KDM3B: variants seen among roughly 807,000 people sequenced by gnomAD.
KDM3B encodes the protein lysine-specific demethylase 3B.
Under a neutral mutation model 170.0 loss-of-function variants are expected in KDM3B, and 10 were observed. That is an observed-to-expected ratio of 0.06 (90% CI 0.04 to 0.10). The LOEUF (loss-of-function observed/expected upper bound fraction) is 0.10. Among genes scored for constraint, KDM3B ranks in the 10% least tolerant of loss-of-function variants. The pLI, the probability that KDM3B is intolerant of heterozygous loss-of-function variation, is 1.00. For missense variants in KDM3B, 1,394 were observed against 2,195.2 expected (o/e 0.64, Z 7.29); for synonymous variants, 831 against 834.8 (o/e 1.00, Z 0.08).
At position 138,372,603 on chromosome 5, in the gene KDM3B, T is replaced by G. The variant is rs1761901406; in HGVS notation, c.193-71T>G. On this transcript the variant is annotated intron_variant, in intron 1 of 23. Coordinates refer to ENST00000314358, the MANE Select transcript of KDM3B (RefSeq NM_016604.4). The stretch of plus-strand genomic sequence containing the variant: ...GTCAGTTGTTCAAAACAGTGGGGTT[T>G]ATGTTCATTTATAAGTATAGTGTGA... 5 of 1,316,446 alleles carry G rather than the reference T, an allele frequency of 3.8e-6. No individual in the cohort carries two copies. In the Admixed American group the frequency reaches 9.7e-5, roughly 26 times the overall value. 81.5% of individuals were successfully genotyped at this position (1,316,446 alleles called of 1,614,324 possible).
In KDM3B at chr5:138,398,391, C is replaced by T. The variant is rs1762598323; in HGVS notation, c.3045C>T (p.His1015=). ...EKEAMMMVEP[H]QKVAWKRAVR... is the part of the protein sequence containing the mutation. Reference sequence around the variant, plus strand: ...AGGCCATGATGATGGTGGAGCCACACCGTAAGTCACCTTCTCACTTGTCTT... The same window carrying T: ...AGGCCATGATGATGGTGGAGCCACATCGTAAGTCACCTTCTCACTTGTCTT... Residue 1015 remains histidine, a splice_region_variant and synonymous_variant, in exon 10 of 24, where the codon CAC becomes CAT. Transcript: ENST00000314358. The T allele has an allele frequency of 1.2e-6, 2 of 1,612,786 alleles. No individual in the cohort carries two copies. The highest frequency in any genetic ancestry group is 1.7e-6 in the Non-Finnish European group (2 of 1,179,278).
At chr5:138,388,197 C>T (rs1455727228) in intron 7 of KDM3B, among the ~76,000 whole-genome samples, 1 of 152,180 alleles carries the variant, frequency 6.6e-6, no homozygotes, top group East Asian at 1.9e-4. Context: ...AATGCTGCTA[C>T]TCTTAGAGTA....
chr5:138,386,606 G>A lies in KDM3B; in HGVS notation c.1365G>A (p.Ser455=), dbSNP rs1369837653. 4.3e-6 allele frequency: 7 copies of A among 1,612,174 alleles called. No homozygotes were observed. The highest frequency in any genetic ancestry group is 1.6e-4 in the Middle Eastern group (1 of 6,074). Residue 455 remains serine, a synonymous_variant, in exon 7 of 24, where the codon TCG becomes TCA. Coordinates refer to ENST00000314358, the MANE Select transcript of KDM3B (RefSeq NM_016604.4). ...TVPEKQKGSR[S]QASGENSRNS... ...CAGAAAAACAGAAAGGCAGCCGGTC[G>A]CAGGCCTCGGGAGAGGTGAGTTACT...
At chr5:138,412,342 A>C (rs1762992153) in intron 11 of KDM3B, among the ~76,000 whole-genome samples, 1 of 151,544 alleles carries the variant, frequency 6.6e-6, no homozygotes, top group Non-Finnish European at 1.5e-5. Context: ...TCTCCAAAAA[A>C]AAAAGACATG....
chr5:138,372,894 A>G, intron 2 of KDM3B, 53 bp downstream of exon 2: 7 of 1,495,010 alleles, frequency 4.7e-6, no homozygotes, highest in Non-Finnish European at 6.4e-6. Context: ...CCTATAATAT[A>G]ACTATGACAT....
At chr5:138,382,510 A>G (rs1224344219) in intron 6 of KDM3B, among the ~76,000 whole-genome samples, 1 of 152,092 alleles carries the variant, frequency 6.6e-6, no homozygotes, top group African/African-American at 2.4e-5. Flanking sequence ...ATTCTGTGTG[A>G]ATTTCCTTCA....
chr5:138,430,721 T>C (rs1763509936), intron 22 of KDM3B, among the ~76,000 whole-genome samples: 1 of 152,082 alleles, frequency 6.6e-6, no homozygotes, highest in African/African-American at 2.4e-5. Flanking sequence ...TGAAACCCCA[T>C]CTCTACTAAA....
At chr5:138,380,298 AT>A (rs1236349501) in intron 5 of KDM3B, among the ~76,000 whole-genome samples, 2 of 149,162 alleles carry the variant, frequency 1.3e-5, no homozygotes, top group Non-Finnish European at 3.0e-5. Flanking sequence ...GAATATTATT[AT>A]ATTATATTTA....
intron 1 of KDM3B, among the ~76,000 whole-genome samples, chr5:138,358,045 T>C (rs1445411692): frequency 1.3e-5 from 2 of 152,088 alleles, no homozygotes; most frequent in Admixed American, 1.3e-4. Flanking sequence ...TCGCCCAGGC[T>C]GGAGTGTAAT....
At chr5:138,424,541 A>G (rs914130239) in intron 16 of KDM3B, among the ~76,000 whole-genome samples, 200 bp downstream of exon 16, 2 of 152,164 alleles carry the variant, frequency 1.3e-5, no homozygotes, top group African/African-American at 4.8e-5. Context: ...TAATCTCAGC[A>G]CTTTGGGAGG....
At chr5:138,417,045 TC>T (rs1763123858) in intron 12 of KDM3B, among the ~76,000 whole-genome samples, 1 of 152,218 alleles carries the variant, frequency 6.6e-6, no homozygotes, top group Non-Finnish European at 1.5e-5. Flanking sequence ...GGCCTCAAAC[TC>T]CTGACCTCAA....
intron 23 of KDM3B, among the ~76,000 whole-genome samples, chr5:138,433,502 G>C (rs1299184692): frequency 6.6e-6 from 1 of 151,650 alleles, no homozygotes; most frequent in African/African-American, 2.4e-5. Flanking sequence ...TCGTCTCCTG[G>C]GTTTAAGTGA....
chr5:138,363,717 T>G (rs575839075), intron 1 of KDM3B, among the ~76,000 whole-genome samples: 1 of 152,032 alleles, frequency 6.6e-6, no homozygotes, highest in East Asian at 1.9e-4. Flanking sequence ...CGGATAATTT[T>G]TTGTATTTTT....
intron 11 of KDM3B, among the ~76,000 whole-genome samples, chr5:138,400,730 CA>C (rs1352338753): frequency 2.1e-5 from 3 of 141,938 alleles, no homozygotes; most frequent in African/African-American, 7.8e-5. Context: ...GCCTGGACAA[CA>C]GAGTGAGACC....
rs397715674 is a variant in KDM3B, at chr5:138,357,366, AT to A, written c.192+4393del. Among the ~76,000 whole-genome samples, 392 of 145,632 alleles carry A rather than the reference AT, an allele frequency of 2.7e-3. 1 individual carries two copies. The highest frequency in any genetic ancestry group is 7.2e-3 in the Middle Eastern group (2 of 276). ...CCTATATAAATATACTTTAAAAAAC[AT>A]TTTTTTTTTTTTTGAGACAGGGTCT... On this transcript the variant is annotated intron_variant, in intron 1 of 23. Coordinates refer to ENST00000314358, the MANE Select transcript of KDM3B (RefSeq NM_016604.4).
intron 3 of KDM3B, among the ~76,000 whole-genome samples, chr5:138,377,072 C>T (rs1264703148): frequency 2.0e-5 from 3 of 152,138 alleles, no homozygotes; most frequent in Admixed American, 6.6e-5. Flanking sequence ...ATGTCTTCCC[C>T]GCTCGTTAGG....
At chr5:138,424,586 G>T (rs1462947135) in intron 16 of KDM3B, among the ~76,000 whole-genome samples, 1 of 152,070 alleles carries the variant, frequency 6.6e-6, no homozygotes, top group Non-Finnish European at 1.5e-5. Flanking sequence ...TCAGGAGTTT[G>T]GCCAACATGG....
chr5:138,353,152 C>T (rs1761371463), intron 1 of KDM3B, among the ~76,000 whole-genome samples, 165 bp downstream of exon 1: 3 of 152,306 alleles, frequency 2.0e-5, no homozygotes, highest in Middle Eastern at 6.8e-3. Flanking sequence ...GAGCGCTTGC[C>T]GGCATGGCTT....
chr5:138,391,427 C>T lies in KDM3B; in HGVS notation c.1795C>T (p.Pro599Ser). The change falls in exon 8 of 24, where the codon CCC becomes TCC. Residue 599 changes from proline to serine, a missense_variant. Around this residue, in one of 19 missense-constraint regions of KDM3B, gnomAD observed 294 missense variants for 311.7 expected, o/e 0.94. Transcript: ENST00000314358. The surrounding 1 kb of genome is among the most constrained non-coding windows in gnomAD (Gnocchi z 5.0). Reference sequence around the variant, plus strand: ...CCGGAAAGTGCCTGCAGAGTCCATGCCCACCCTCACTCCAGCCTTCCCACG... The same window carrying T: ...CCGGAAAGTGCCTGCAGAGTCCATGTCCACCCTCACTCCAGCCTTCCCACG... ...VDRKVPAESM[P>S]TLTPAFPRSL... The T allele has an allele frequency of 1.2e-6, 2 of 1,613,736 alleles. No individual in the cohort carries two copies. The highest frequency in any genetic ancestry group is 1.7e-6 in the Non-Finnish European group (2 of 1,179,834).
Sources: allele counts gnomAD v4.1 joint callset (sites outside exome capture counted in the v4.1 genomes callset), GRCh38; gene constraint gnomAD v4.1.1; regional missense constraint gnomAD v4.1.1; non-coding constraint Gnocchi (gnomAD v3.1); transcripts MANE v1.5; gene names NCBI Gene and HGNC (gene_info 2026-07-23, HGNC 2026-07-21).